The following FLRT2 variants were observed in gnomAD, a reference collection of about 807,000 sequenced individuals.
FLRT2 encodes fibronectin leucine rich transmembrane protein 2.
FLRT2 carries 15 observed loss-of-function variants against 40.0 expected under a neutral mutation model. That is an observed-to-expected ratio of 0.38 (90% CI 0.25 to 0.58). FLRT2 has a LOEUF of 0.58. FLRT2 is among the 20% of genes least tolerant of loss of function. The probability of loss-of-function intolerance (pLI) is 0.71; values close to 1 mark genes in which losing one functional copy is unlikely to be tolerated. For missense variants in FLRT2, 726 were observed against 840.0 expected, an observed-to-expected ratio of 0.86 and a Z score of 1.68; for synonymous variants, 380 against 336.8, an observed-to-expected ratio of 1.13 and a Z score of -1.41.
Position 85,641,846 on chromosome 14 carries a change from T to C in FLRT2, c.*18349T>C, listed in dbSNP as rs1894156170. The C allele has an allele frequency of 6.8e-6, 1 of 146,232 alleles. No homozygotes were observed. Among genetic ancestry groups the C allele is most frequent in the African/African-American group, 2.6e-5 (1 of 38,978 alleles). The allele number at this position is 146,232 out of a possible 1,614,324, so 9.1% of individuals were successfully genotyped here. A position where few individuals can be genotyped will look rare whatever the true frequency, so the allele number is the denominator to read the frequency against. On this transcript the variant is annotated 3_prime_UTR_variant, in exon 2 of 2. Coordinates refer to ENST00000330753, the MANE Select transcript of FLRT2 (RefSeq NM_013231.6). ...TGCATAATGGATCACTGATAATTTT[T>C]GGCTTGCAATGAGAAAAAAAAATCA...
At chr14:85,535,814 A>G (rs1437964629) in intron 1 of FLRT2, among the ~76,000 whole-genome samples, 1 of 151,654 alleles carries the variant, frequency 6.6e-6, no homozygotes, top group Non-Finnish European at 1.5e-5. Context: ...GCCAGTAGAG[A>G]TACAAGAAAT....
chr14:85,621,190 G>T lies in FLRT2; in HGVS notation c.-325G>T. The T allele has an allele frequency of 2.8e-6, 1 of 355,566 alleles. No homozygotes were observed. Among genetic ancestry groups the T allele is most frequent in the African/African-American group, 2.1e-5 (1 of 48,254 alleles). The allele number at this position is 355,566 out of a possible 1,614,324, so 22.0% of individuals were successfully genotyped here. A position where few individuals can be genotyped will look rare whatever the true frequency, so the allele number is the denominator to read the frequency against. ...TTCGTAGGCTAATCAAGGCTGGCTT[G>T]ACCTACAAAAGAAGAAGAGAGTTCT... On this transcript the variant is annotated 5_prime_UTR_variant, in exon 2 of 2. Coordinates refer to ENST00000330753, the MANE Select transcript of FLRT2 (RefSeq NM_013231.6).
intron 1 of FLRT2, among the ~76,000 whole-genome samples, chr14:85,587,199 C>T (rs974975321): frequency 2.0e-5 from 3 of 150,400 alleles, no homozygotes; most frequent in African/African-American, 7.4e-5. Flanking sequence ...CCAGCACTTA[C>T]ATTCTTTTAG....
intron 1 of FLRT2, among the ~76,000 whole-genome samples, chr14:85,590,398 C>A (rs1013592790): frequency 6.6e-6 from 1 of 152,068 alleles, no homozygotes. Context: ...GAGTTTAGAA[C>A]TTGAAAAGCA....
In FLRT2 at chr14:85,621,453, G is replaced by C. The variant is rs1304858559; in HGVS notation, c.-62G>C. On this transcript the variant is annotated 5_prime_UTR_variant, in exon 2 of 2. Transcript: ENST00000330753. ...CCCATCCAGTCATTTTGATTTTGCT[G>C]TTTATTTTTTTTTTCTTTTTCTTTT... The C allele has an allele frequency of 2.7e-6, 4 of 1,472,742 alleles. No homozygotes were observed. The East Asian group carries it at 9.1e-5, about 34-fold the overall frequency. 91.2% of individuals were successfully genotyped at this position (1,472,742 alleles called of 1,614,324 possible). A position where few individuals can be genotyped will look rare whatever the true frequency, so the allele number is the denominator to read the frequency against.
intron 1 of FLRT2, among the ~76,000 whole-genome samples, chr14:85,616,480 C>A (rs979075258): frequency 6.6e-6 from 1 of 152,178 alleles, no homozygotes; most frequent in Non-Finnish European, 1.5e-5. Context: ...CAGTGAGAAG[C>A]GGACAGAGAG....
At chr14:85,531,026 A>C (rs1888237984) in intron 1 of FLRT2, 2 of 152,286 alleles carry the variant, frequency 1.3e-5, no homozygotes, top group Non-Finnish European at 2.9e-5. Flanking sequence ...TTAGCAGTTA[A>C]ACAGATGCGG....
Position 85,636,780 on chromosome 14 carries a change from T to C in FLRT2, c.*13283T>C, listed in dbSNP as rs918712483. 2.1e-4 allele frequency: 32 copies of C among 151,506 alleles called. No homozygotes were observed. Among genetic ancestry groups the C allele is most frequent in the Admixed American group, 2.1e-3 (32 of 15,198 alleles). 9.4% of individuals were successfully genotyped at this position (151,506 alleles called of 1,614,324 possible). A position where few individuals can be genotyped will look rare whatever the true frequency, so the allele number is the denominator to read the frequency against. ...CCCGCCTTTACTAAAAATACAAAAA[T>C]TAGCAGGGTATGGTGGCAGGCGCCT... On this transcript the variant is annotated 3_prime_UTR_variant, in exon 2 of 2. Transcript: ENST00000330753.
At chr14:85,591,713 T>C (rs2139317330) in intron 1 of FLRT2, among the ~76,000 whole-genome samples, 1 of 152,304 alleles carries the variant, frequency 6.6e-6, no homozygotes. Flanking sequence ...AAATTGCTTT[T>C]GCCAATTAGT....
chr14:85,547,568 C>T (rs574147860), intron 1 of FLRT2, among the ~76,000 whole-genome samples: 19 of 152,254 alleles, frequency 1.2e-4, no homozygotes, highest in Admixed American at 6.5e-4. Flanking sequence ...GTGATCCGCC[C>T]GCCTTGACCT....
rs1893987864 is a variant in FLRT2 at position 85,635,916 on chromosome 14, T to C, written c.*12419T>C. The C allele has an allele frequency of 6.6e-6, 1 of 152,138 alleles. No individual in the cohort carries two copies. The highest frequency in any genetic ancestry group is 6.5e-5 in the Admixed American group (1 of 15,276). 9.4% of individuals were successfully genotyped at this position (152,138 alleles called of 1,614,324 possible). On this transcript the variant is annotated 3_prime_UTR_variant, in exon 2 of 2. Coordinates refer to ENST00000330753, the MANE Select transcript of FLRT2 (RefSeq NM_013231.6). ...CATCACATCATACACCTGAATGTAA[T>C]CAACATTGCTTTATTAAAGATGTTT...
intron 1 of FLRT2, among the ~76,000 whole-genome samples, chr14:85,588,827 A>G (rs932970627): frequency 6.6e-6 from 1 of 152,054 alleles, no homozygotes; most frequent in African/African-American, 2.4e-5. Context: ...TATGAATTCA[A>G]TTGTTTTGAT....
chr14:85,546,178 C>T (rs983503481), intron 1 of FLRT2, among the ~76,000 whole-genome samples: 1 of 152,162 alleles, frequency 6.6e-6, no homozygotes, highest in African/African-American at 2.4e-5. Context: ...TTGCACTCAT[C>T]TCTACATGTA....
chr14:85,644,530 A>C lies in FLRT2; in HGVS notation c.*21033A>C, dbSNP rs1299245986. ...GAAACTCAGTAATTCACATGCATTC[A>C]AGAAGGTAGAAGAAAATTCTCACTA... On this transcript the variant is annotated 3_prime_UTR_variant, in exon 2 of 2. Transcript: ENST00000330753. The C allele has an allele frequency of 2.0e-5, 3 of 152,168 alleles. No individual in the cohort carries two copies. The highest frequency in any genetic ancestry group is 2.9e-5 in the Non-Finnish European group (2 of 68,028). 9.4% of individuals were successfully genotyped at this position (152,168 alleles called of 1,614,324 possible). A position where few individuals can be genotyped will look rare whatever the true frequency, so the allele number is the denominator to read the frequency against.
intron 1 of FLRT2, among the ~76,000 whole-genome samples, chr14:85,556,338 C>T (rs1889963118): frequency 6.6e-6 from 1 of 152,132 alleles, no homozygotes; most frequent in African/African-American, 2.4e-5. Flanking sequence ...TCCCAAATAC[C>T]TTCTTTTCTT....
intron 1 of FLRT2, among the ~76,000 whole-genome samples, chr14:85,569,449 G>A (rs375182691): frequency 3.9e-5 from 6 of 152,134 alleles, no homozygotes; most frequent in Non-Finnish European, 8.8e-5. Flanking sequence ...ACCAGGACAG[G>A]GCAAGGACAG....
intron 1 of FLRT2, among the ~76,000 whole-genome samples, chr14:85,548,383 T>C (rs969029638): frequency 5.3e-5 from 8 of 152,290 alleles, no homozygotes; most frequent in Admixed American, 5.2e-4. Flanking sequence ...GCTTTGAAAA[T>C]AGGAAGGTAG....
intron 1 of FLRT2, among the ~76,000 whole-genome samples, chr14:85,616,017 C>T (rs1015700771): frequency 2.6e-5 from 4 of 152,142 alleles, no homozygotes; most frequent in Non-Finnish European, 4.4e-5. Flanking sequence ...GCATGACTTT[C>T]GTGCTTTGAG....
At chr14:85,565,261 G>A (rs1255725134) in intron 1 of FLRT2, among the ~76,000 whole-genome samples, 2 of 152,184 alleles carry the variant, frequency 1.3e-5, no homozygotes, top group African/African-American at 4.8e-5. Flanking sequence ...TTGCATAGGA[G>A]TGATATTAAT....
Sources: gnomAD v4.1 joint callset for allele counts (sites outside exome capture counted in the v4.1 genomes callset) on GRCh38, gnomAD v4.1.1 for gene constraint, MANE v1.5 for transcripts, NCBI Gene and HGNC (gene_info 2026-07-23, HGNC 2026-07-21) for gene names.